STX7: variants seen among roughly 807,000 people sequenced by gnomAD.
The protein encoded by STX7 is syntaxin-7.
Under a neutral mutation model 39.6 loss-of-function variants are expected in STX7, and 34 were observed. The observed-to-expected ratio is 0.86, with a 90% CI of 0.65 to 1.14. STX7 has a LOEUF of 1.14. STX7 is among the 50% of genes most tolerant of loss of function. The pLI is 0.00. For synonymous variants in STX7, 119 were observed against 99.1 expected, an observed-to-expected ratio of 1.20 and a Z score of -1.19; for missense variants, 284 against 310.4, an observed-to-expected ratio of 0.92 and a Z score of 0.64.
At chr6:132,470,531 G>C in intron 6 of STX7, 43 bp downstream of exon 6, 1 of 1,490,694 alleles carries the variant, frequency 6.7e-7, no homozygotes. Flanking sequence ...TATAAACTTT[G>C]AAAAATTACC....
intron 2 of STX7, among the ~76,000 whole-genome samples, chr6:132,494,347 T>A (rs1775370963): frequency 6.6e-6 from 1 of 152,154 alleles, no homozygotes; most frequent in Admixed American, 6.5e-5. Flanking sequence ...GCCCTTTATC[T>A]CTGGGGGCCA....
At position 132,498,773 on chromosome 6, in the gene STX7, G is replaced by A. The variant is rs148811167; in HGVS notation, c.85+4673C>T. 3.4e-3 allele frequency among the ~76,000 whole-genome samples: 514 copies of A among 152,256 alleles called. 4 individuals carry two copies. The highest frequency in any genetic ancestry group is 0.012 in the African/African-American group (488 of 41,532). ...TCACACTTCTGCCTTTCACTTCCACGTGATTTCTGCATAGCCCTTATCAGT... is the reference window on the plus strand; with the variant it reads ...TCACACTTCTGCCTTTCACTTCCACATGATTTCTGCATAGCCCTTATCAGT... On this transcript the variant is annotated intron_variant, in intron 2 of 9. Transcript: ENST00000367941.
At chr6:132,473,765 G>A (rs9321346) in intron 3 of STX7, among the ~76,000 whole-genome samples, 103,263 of 151,832 alleles carry the variant, frequency 0.68, 36,632 homozygotes, top group African/African-American at 0.87. Context: ...GGTCACACTT[G>A]GGGTCCTTTA....
In STX7 at chr6:132,449,822, A is replaced by G. The variant is rs922175113; in HGVS notation, c.*10936T>C. 1 of 152,202 alleles carries G rather than the reference A, an allele frequency of 6.6e-6. No homozygotes were observed. Among genetic ancestry groups the G allele is most frequent in the Non-Finnish European group, 1.5e-5 (1 of 68,034 alleles). The allele number at this position is 152,202 out of a possible 1,614,324, so 9.4% of individuals were successfully genotyped here. A position where few individuals can be genotyped will look rare whatever the true frequency, so the allele number is the denominator to read the frequency against. The stretch of plus-strand genomic sequence containing the variant: ...TGTTATTCTACTTCTGCTAATTGCA[A>G]TACCTGAATTCCTTGAATATCTAAA... On this transcript the variant is annotated 3_prime_UTR_variant, in exon 10 of 10. Transcript: ENST00000367941.
Position 132,503,564 on chromosome 6 carries a change from G to A in STX7, c.-34C>T. 6.4e-7 allele frequency: 1 copy of A among 1,557,242 alleles called. No homozygotes were observed. On this transcript the variant is annotated 5_prime_UTR_variant, in exon 2 of 10. Coordinates refer to ENST00000367941, the MANE Select transcript of STX7 (RefSeq NM_003569.3). ...TTCTTATTCGCTAATTTCATCAGAT[G>A]CTGTGCAGTTTTCTAAGCAGTCACC...
chr6:132,473,515 G>GTTT (rs1562325728), intron 3 of STX7, among the ~76,000 whole-genome samples: 1 of 100,192 alleles, frequency 1.0e-5, no homozygotes, highest in Admixed American at 1.1e-4. Context: ...TTTTATTATT[G>GTTT]TGTTGTTTTT....
intron 2 of STX7, among the ~76,000 whole-genome samples, chr6:132,501,866 A>C (rs946214228): frequency 6.6e-6 from 1 of 151,938 alleles, no homozygotes; most frequent in African/African-American, 2.4e-5. Flanking sequence ...AACCAGCAGC[A>C]AGGGAGCCAT....
chr6:132,470,488 G>T, intron 6 of STX7, 86 bp downstream of exon 6: 1 of 972,112 alleles, frequency 1.0e-6, no homozygotes, highest in Non-Finnish European at 1.5e-6. Flanking sequence ...ATAATATATT[G>T]AAAGCTTTAA....
chr6:132,494,690 G>A (rs1006698132), intron 2 of STX7, among the ~76,000 whole-genome samples: 1 of 152,214 alleles, frequency 6.6e-6, no homozygotes, highest in African/African-American at 2.4e-5. Flanking sequence ...CACCATGGGA[G>A]AGAGTGGTAG....
At chr6:132,460,884 A>G (rs761698807) in intron 9 of STX7, 34 bp from the exon 10 acceptor site, 17 of 1,585,084 alleles carry the variant, frequency 1.1e-5, no homozygotes, top group Non-Finnish European at 4.3e-6. Context: ...AAACAAAAAA[A>G]CATGTTTACA....
intron 2 of STX7, among the ~76,000 whole-genome samples, chr6:132,496,385 T>C (rs1314783443): frequency 6.6e-6 from 1 of 152,208 alleles, no homozygotes; most frequent in Non-Finnish European, 1.5e-5. Context: ...TTCTCATTTC[T>C]ATTCACCAAT....
At chr6:132,469,809 A>T in intron 7 of STX7, 142 bp downstream of exon 7, 1 of 590,984 alleles carries the variant, frequency 1.7e-6, no homozygotes, top group Non-Finnish European at 2.8e-6. Context: ...ACCGCACTCC[A>T]GCCTGGGTGA....
In STX7 at chr6:132,463,940, C is replaced by A. The variant is rs140009197; in HGVS notation, c.693+53G>T. 1.2e-4 allele frequency: 185 copies of A among 1,541,758 alleles called. No individual in the cohort carries two copies. In the Admixed American group the frequency reaches 2.6e-3, roughly 21 times the overall value. ...CCTGCTTCCTCAACACAAACACACACACACACATACGAAAAGGATAAGTTA... is the reference window on the plus strand; with the variant it reads ...CCTGCTTCCTCAACACAAACACACAAACACACATACGAAAAGGATAAGTTA... On this transcript the variant is annotated intron_variant, in intron 9 of 9. Transcript: ENST00000367941.
At chr6:132,495,921 TTTCG>T (rs1775410958) in intron 2 of STX7, among the ~76,000 whole-genome samples, 2 of 152,184 alleles carry the variant, frequency 1.3e-5, no homozygotes, top group Admixed American at 1.3e-4. Flanking sequence ...AAAACATCTG[TTTCG>T]ATTTTAAACT....
Position 132,446,150 on chromosome 6 carries a change from T to TAA in STX7, c.*14607_*14608insTT, listed in dbSNP as rs1262841161. 6.6e-6 allele frequency: 1 copy of TAA among 152,204 alleles called. No homozygotes were observed. Among genetic ancestry groups the TAA allele is most frequent in the Non-Finnish European group, 1.5e-5 (1 of 68,028 alleles). The allele number at this position is 152,204 out of a possible 1,614,324, so 9.4% of individuals were successfully genotyped here. A position where few individuals can be genotyped will look rare whatever the true frequency, so the allele number is the denominator to read the frequency against. ...CCTCTCTTTACAAGGTTATGCTTAT[T>TAA]AGCTGGGATTCGAAGCTCAATAGCA... On this transcript the variant is annotated 3_prime_UTR_variant, in exon 10 of 10. Transcript: ENST00000367941.
chr6:132,512,788 A>C (rs1169883621), intron 1 of STX7, among the ~76,000 whole-genome samples: 1 of 152,134 alleles, frequency 6.6e-6, no homozygotes, highest in East Asian at 1.9e-4. Context: ...CGGAATGCGG[A>C]ACGCGCCGCG....
intron 1 of STX7, 148 bp from the exon 2 acceptor site, chr6:132,503,736 T>G: frequency 2.6e-6 from 1 of 390,096 alleles, no homozygotes; most frequent in Non-Finnish European, 4.6e-6. Flanking sequence ...AGCAAAACTC[T>G]CATGTCTACT....
chr6:132,460,647 G>A lies in STX7; in HGVS notation c.*111C>T. On this transcript the variant is annotated 3_prime_UTR_variant, in exon 10 of 10. Transcript: ENST00000367941. ...CCCCCAATAAAAATAACAAAGTATG[G>A]GAACCATCCTTTATACAATAGCTTT... is the stretch of plus-strand genomic sequence containing the variant. The A allele has an allele frequency of 2.5e-6, 2 of 807,952 alleles. No homozygotes were observed. The highest frequency in any genetic ancestry group is 2.3e-5 in the South Asian group (1 of 43,634). 50.0% of individuals were successfully genotyped at this position (807,952 alleles called of 1,614,324 possible).
At chr6:132,470,828 T>C (rs1238677090) in intron 5 of STX7, among the ~76,000 whole-genome samples, 1 of 89,336 alleles carries the variant, frequency 1.1e-5, no homozygotes, top group Non-Finnish European at 2.4e-5. Flanking sequence ...AATAATATAA[T>C]TATAAGTAAT....
Sources: allele counts gnomAD v4.1 joint callset (sites outside exome capture counted in the v4.1 genomes callset), GRCh38; gene constraint gnomAD v4.1.1; transcripts MANE v1.5; gene names NCBI Gene and HGNC (gene_info 2026-07-23, HGNC 2026-07-21).